Variants in HPSE2 observed in about 807,000 individuals in gnomAD.
HPSE2 encodes the protein heparanase 2 (inactive).
A neutral mutation model predicts 60.5 loss-of-function variants in HPSE2; 38 were observed. The observed-to-expected ratio is 0.63, with a 90% CI of 0.48 to 0.82. The LOEUF is 0.82. Ranked by LOEUF, HPSE2 falls within the 40% of genes least tolerant of loss-of-function variation. The pLI is 0.00. For missense variants in HPSE2, 713 were observed against 740.4 expected (o/e 0.96, Z 0.43); for synonymous variants, 295 against 293.2 (o/e 1.01, Z -0.06).
At chr10:99,109,717 A>G (rs1313045581) in intron 3 of HPSE2, among the ~76,000 whole-genome samples, 2 of 152,202 alleles carry the variant, frequency 1.3e-5, no homozygotes, top group Non-Finnish European at 2.9e-5. Context: ...CCTCTTCTAC[A>G]AAGAGGTTAA....
At chr10:99,290,543 C>G in the HPSE2 span, among the ~76,000 whole-genome samples, 5 of 152,158 alleles carry the variant, frequency 3.3e-5, no homozygotes, top group Non-Finnish European at 7.3e-5. Flanking sequence ...AAACAGCTAT[C>G]AGTGGAGCGA....
intron 3 of HPSE2, among the ~76,000 whole-genome samples, chr10:98,858,096 T>C (rs538163260): frequency 5.7e-4 from 87 of 152,326 alleles, no homozygotes; most frequent in Admixed American, 1.4e-3. Flanking sequence ...TCCTATCTTA[T>C]AGAGAAGCTA....
chr10:99,308,379 C>CAAAAAA, the HPSE2 span, among the ~76,000 whole-genome samples: 82 of 28,118 alleles, frequency 2.9e-3, 6 homozygotes, highest in Middle Eastern at 0.023. Context: ...GACTCTGTCT[C>CAAAAAA]AAAAAAAAAA....
At chr10:98,643,655 G>C (rs1414522802) in intron 6 of HPSE2, among the ~76,000 whole-genome samples, 1 of 151,904 alleles carries the variant, frequency 6.6e-6, no homozygotes, top group East Asian at 1.9e-4. Context: ...TTCTTCATTA[G>C]CACCTCTGAT....
chr10:99,152,602 G>T (rs1355517806), intron 2 of HPSE2, among the ~76,000 whole-genome samples: 4 of 152,080 alleles, frequency 2.6e-5, no homozygotes, highest in Non-Finnish European at 4.4e-5. Flanking sequence ...CAATAGAAAG[G>T]ATAAGAAAAG....
chr10:98,816,636 C>A (rs996267683), intron 3 of HPSE2, among the ~76,000 whole-genome samples: 16 of 152,144 alleles, frequency 1.1e-4, no homozygotes, highest in African/African-American at 3.9e-4. Context: ...ATCTCTCCAG[C>A]TGGAAGTACC....
the HPSE2 span, among the ~76,000 whole-genome samples, chr10:99,292,565 AAAT>A: frequency 2.6e-5 from 4 of 152,206 alleles, no homozygotes; most frequent in Admixed American, 2.0e-4. Flanking sequence ...TCCATCAGAA[AAAT>A]AATGAGAACC....
intron 3 of HPSE2, among the ~76,000 whole-genome samples, chr10:99,024,254 A>C (rs1957328051): frequency 6.6e-6 from 1 of 152,214 alleles, no homozygotes; most frequent in Non-Finnish European, 1.5e-5. Flanking sequence ...AAGCATAAGA[A>C]ATAGCTTGAA....
intron 3 of HPSE2, among the ~76,000 whole-genome samples, chr10:99,007,703 A>G (rs568546553): frequency 4.6e-5 from 7 of 152,326 alleles, no homozygotes; most frequent in Admixed American, 3.9e-4. Flanking sequence ...TCTAATTGCC[A>G]TATTTACTGA....
intron 3 of HPSE2, among the ~76,000 whole-genome samples, chr10:99,068,425 C>T (rs1302345362): frequency 6.6e-6 from 1 of 152,178 alleles, no homozygotes; most frequent in Non-Finnish European, 1.5e-5. Flanking sequence ...GGAGCAAAGT[C>T]ACATCTTACA....
intron 8 of HPSE2, 93 bp downstream of exon 8, chr10:98,620,508 AC>A: frequency 1.1e-6 from 1 of 870,684 alleles, no homozygotes. Flanking sequence ...AACATGCCTC[AC>A]CCCTAGGATG....
chr10:99,169,255 C>T (rs1847209060), intron 2 of HPSE2, among the ~76,000 whole-genome samples: 1 of 148,626 alleles, frequency 6.7e-6, no homozygotes, highest in Admixed American at 6.8e-5. Context: ...CCTTTAATCC[C>T]AGCACTTTAG....
At chr10:98,560,329 T>C (rs1256741867) in intron 9 of HPSE2, among the ~76,000 whole-genome samples, 1 of 152,212 alleles carries the variant, frequency 6.6e-6, no homozygotes, top group Non-Finnish European at 1.5e-5. Context: ...AGGGGTCTCC[T>C]GAAAGTGTGA....
chr10:98,983,763 C>T (rs374575883), intron 3 of HPSE2, among the ~76,000 whole-genome samples: 15 of 152,234 alleles, frequency 9.9e-5, no homozygotes, highest in East Asian at 5.8e-4. Context: ...GGGTGACAGA[C>T]GGCACCTGGA....
chr10:98,675,539 T>TACACACACACAC (rs774393556), intron 6 of HPSE2, among the ~76,000 whole-genome samples: 103 of 121,588 alleles, frequency 8.5e-4, no homozygotes, highest in African/African-American at 1.7e-3. Context: ...GATCCCTGTC[T>TACACACACACAC]ACACACACAC....
At chr10:99,059,516 T>C (rs1958186133) in intron 3 of HPSE2, among the ~76,000 whole-genome samples, 1 of 152,190 alleles carries the variant, frequency 6.6e-6, no homozygotes, top group African/African-American at 2.4e-5. Context: ...TTTCAAGTAT[T>C]TACTAGTGTT....
At chr10:98,838,558 G>C (rs1259910213) in intron 3 of HPSE2, among the ~76,000 whole-genome samples, 1 of 149,936 alleles carries the variant, frequency 6.7e-6, no homozygotes, top group South Asian at 2.1e-4. Flanking sequence ...CCGAGTAGCT[G>C]TGATTACAGG....
chr10:98,568,418 C>A (rs1443582316), intron 9 of HPSE2, among the ~76,000 whole-genome samples: 2 of 152,136 alleles, frequency 1.3e-5, no homozygotes, highest in Non-Finnish European at 1.5e-5. Context: ...CAGGGACTGG[C>A]ACATTTCAGG....
At position 98,958,725 on chromosome 10, in the gene HPSE2, T is replaced by A. The variant is rs145773835; in HGVS notation, c.610+185513A>T. ...CTAAACCCTGTGCTCTAACAGCTTC[T>A]TATGCTTATATGATACTTATATGCC... On this transcript the variant is annotated intron_variant, in intron 3 of 11. Transcript: ENST00000370552. 2.2e-3 allele frequency among the ~76,000 whole-genome samples: 329 copies of A among 152,246 alleles called. 2 individuals carry two copies. The highest frequency in any genetic ancestry group is 7.3e-3 in the African/African-American group (303 of 41,554).
Sources: allele counts gnomAD v4.1 joint callset (sites outside exome capture counted in the v4.1 genomes callset), GRCh38; gene constraint gnomAD v4.1.1; transcripts MANE v1.5; gene names NCBI Gene and HGNC (gene_info 2026-07-23, HGNC 2026-07-21).